The following FRMD7 variants were observed in gnomAD, a reference collection of about 807,000 sequenced individuals.
FRMD7 encodes FERM domain-containing protein 7.
In FRMD7, 14 loss-of-function variants were observed where a neutral mutation model predicts 44.1. The ratio of observed to expected loss-of-function variants is 0.32; its 90% CI spans 0.21 to 0.50. The LOEUF (loss-of-function observed/expected upper bound fraction) is 0.50, where lower values mean the gene tolerates loss of function less well. FRMD7 is among the 20% of genes least tolerant of loss of function. The probability of loss-of-function intolerance (pLI) is 0.99; values close to 1 mark genes in which losing one functional copy is unlikely to be tolerated. For synonymous variants in FRMD7, 212 were observed against 187.4 expected (o/e 1.13, Z -1.07); for missense variants, 501 against 522.3 (o/e 0.96, Z 0.40).
Position 132,078,372 on chromosome X carries a change from C to T in FRMD7, c.1645G>A (p.Val549Ile). ...RMKSFQQDLQ[V>I]LQEAIARTSG... ...GTCCTGGCTATAGCTTCTTGGAGTA[C>T]TTGCAGGTCTTGCTGAAAGCTCTTC... The change falls in exon 12 of 12, where the codon GTA becomes ATA. Residue 549 changes from valine to isoleucine, a missense_variant. This residue lies in a region of FRMD7 where 453 missense variants were observed against 452.7 expected (regional missense o/e 1.00). Coordinates refer to ENST00000298542, the MANE Select transcript of FRMD7 (RefSeq NM_194277.3). 1 of 1,210,751 alleles carries T rather than the reference C, an allele frequency of 8.3e-7. No homozygotes were observed. The highest frequency in any genetic ancestry group is 1.1e-6 in the Non-Finnish European group (1 of 894,661).
intron 5 of FRMD7, among the ~76,000 whole-genome samples, chrX:132,088,557 C>CAA (rs150701717): frequency 1.4e-5 from 1 of 70,412 alleles, no homozygotes; most frequent in Non-Finnish European, 2.8e-5. Flanking sequence ...GGCCCTGTCT[C>CAA]AAAAAAAAAA....
Position 132,085,655 on chromosome X carries a change from G to A in FRMD7, c.571C>T (p.Pro191Ser), listed in dbSNP as rs149727630. 3.0e-5 allele frequency: 36 copies of A among 1,207,123 alleles called. 1 individual carries two copies. The African/African-American group carries it at 6.1e-4, about 21-fold the overall frequency. Residue 191 changes from proline (P) to serine (S), a missense_variant, in exon 7 of 12, where the codon CCT becomes TCT. By Grantham distance (74) the Pro-to-Ser change is moderately conservative (BLOSUM62 -1). This residue lies in a region of FRMD7 where 453 missense variants were observed against 452.7 expected (regional missense o/e 1.00). Coordinates refer to ENST00000298542, the MANE Select transcript of FRMD7 (RefSeq NM_194277.3). ...CCTTCACCATCACTGGCGGGGTGAG[G>A]CCTGATGCCATACATATCCAGCTTC... ...ARKLDMYGIR[P>S]HPASDGEGMQ...
chrX:132,098,965 G>A (rs1014422451), intron 3 of FRMD7, among the ~76,000 whole-genome samples: 3 of 111,905 alleles, frequency 2.7e-5, no homozygotes, highest in African/African-American at 9.8e-5. Context: ...CCCAGGAATC[G>A]GCATTTAACA....
At chrX:132,116,915 G>A (rs1042496793) in intron 1 of FRMD7, among the ~76,000 whole-genome samples, 4 of 112,492 alleles carry the variant, frequency 3.6e-5, no homozygotes, top group African/African-American at 1.3e-4. Context: ...GCTTCAAAGA[G>A]TGGATGGAGT....
intron 1 of FRMD7, among the ~76,000 whole-genome samples, chrX:132,110,901 T>G (rs1459380146): frequency 8.9e-6 from 1 of 112,729 alleles, no homozygotes; most frequent in Non-Finnish European, 1.9e-5. Context: ...GTCACCCACC[T>G]GGGCCACGCA....
intron 1 of FRMD7, among the ~76,000 whole-genome samples, chrX:132,107,874 C>T (rs1165030030): frequency 9.0e-6 from 1 of 111,715 alleles, no homozygotes; most frequent in Non-Finnish European, 1.9e-5. Context: ...TTCCCAAACA[C>T]TAAATTCCCT....
At chrX:132,111,513 C>T (rs1015984550) in intron 1 of FRMD7, among the ~76,000 whole-genome samples, 1 of 112,021 alleles carries the variant, frequency 8.9e-6, no homozygotes, top group Non-Finnish European at 1.9e-5. Flanking sequence ...TTGTAACTTA[C>T]CCCAATCACC....
intron 1 of FRMD7, among the ~76,000 whole-genome samples, chrX:132,120,502 G>A (rs944945962): frequency 3.5e-5 from 4 of 112,822 alleles, no homozygotes; most frequent in African/African-American, 9.6e-5. Context: ...ACAGCCAAAC[G>A]CCACCCACCT....
Position 132,085,900 on chromosome X carries a change from T to C in FRMD7, c.497+20A>G, listed in dbSNP as rs1266251439. The stretch of plus-strand genomic sequence containing the variant: ...AGTGTTCTCTACTGGGGGAAGCAGG[T>C]GCCAGCTGAAAGTACTTACATGTGC... On this transcript the variant is annotated intron_variant, in intron 6 of 11. Coordinates refer to ENST00000298542, the MANE Select transcript of FRMD7 (RefSeq NM_194277.3). 9.2e-7 allele frequency: 1 copy of C among 1,089,982 alleles called. No individual in the cohort carries two copies. The highest frequency in any genetic ancestry group is 2.2e-5 in the Admixed American group (1 of 45,860). 89.8% of individuals were successfully genotyped at this position (1,089,982 alleles called of 1,213,427 possible). A position where few individuals can be genotyped will look rare whatever the true frequency, so the allele number is the denominator to read the frequency against.
intron 4 of FRMD7, among the ~76,000 whole-genome samples, chrX:132,095,098 A>G (rs974350164): frequency 9.6e-6 from 1 of 104,164 alleles, no homozygotes; most frequent in African/African-American, 3.5e-5. Context: ...TTATTTATTT[A>G]TTTATTTATT....
intron 9 of FRMD7, among the ~76,000 whole-genome samples, chrX:132,082,141 C>A (rs374813737): frequency 8.9e-6 from 1 of 112,165 alleles, no homozygotes; most frequent in African/African-American, 3.2e-5. Flanking sequence ...CTTGCTGAGA[C>A]TCTGATCCTA....
At position 132,113,000 on chromosome X, in the gene FRMD7, C is replaced by T. The variant is rs763031594; in HGVS notation, c.58-12284G>A. Among the ~76,000 whole-genome samples, 15 of 110,944 alleles carry T rather than the reference C, an allele frequency of 1.4e-4. No individual in the cohort carries two copies. The South Asian group carries it at 5.8e-3, about 43-fold the overall frequency. On this transcript the variant is annotated intron_variant, in intron 1 of 11. Coordinates refer to ENST00000298542, the MANE Select transcript of FRMD7 (RefSeq NM_194277.3). ...GCGTTAACCTTCACACTAAGGGGGG[C>T]AGGGGTGAAGAAAAAGATTACCAGT...
chrX:132,101,702 A>G (rs1266363293), intron 1 of FRMD7, among the ~76,000 whole-genome samples: 2 of 112,331 alleles, frequency 1.8e-5, no homozygotes, highest in Non-Finnish European at 3.8e-5. Flanking sequence ...TGCATACAGC[A>G]TACTCTGTTC....
intron 3 of FRMD7, among the ~76,000 whole-genome samples, chrX:132,098,269 T>C (rs1232794341): frequency 8.9e-6 from 1 of 112,533 alleles, no homozygotes; most frequent in African/African-American, 3.2e-5. Context: ...CTGTATTTTA[T>C]CTGCTAAGCC....
chrX:132,097,587 T>G (rs562541178), intron 3 of FRMD7, among the ~76,000 whole-genome samples: 1 of 111,077 alleles, frequency 9.0e-6, no homozygotes, highest in South Asian at 3.8e-4. Flanking sequence ...CTTTCTACCC[T>G]CTCTGCCTTC....
At chrX:132,081,643 G>A (rs1208419262) in intron 9 of FRMD7, among the ~76,000 whole-genome samples, 1 of 112,677 alleles carries the variant, frequency 8.9e-6, no homozygotes, top group Non-Finnish European at 1.9e-5. Context: ...ACTGGGGTAG[G>A]ATATCACTCT....
At chrX:132,126,461 G>A (rs998618707) in intron 1 of FRMD7, among the ~76,000 whole-genome samples, 8 of 111,628 alleles carry the variant, frequency 7.2e-5, no homozygotes, top group African/African-American at 2.6e-4. Context: ...ATGGTACTGT[G>A]TTCCTTACCC....
At chrX:132,109,857 A>G (rs772541080) in intron 1 of FRMD7, among the ~76,000 whole-genome samples, 198 of 111,324 alleles carry the variant, frequency 1.8e-3, no homozygotes, top group African/African-American at 6.2e-3. Context: ...TGAACAATGA[A>G]ACTGCAAGCA....
At position 132,078,440 on chromosome X, in the gene FRMD7, G is replaced by A. The variant is rs1238084485; in HGVS notation, c.1577C>T (p.Thr526Ile). 2 of 1,209,508 alleles carry A rather than the reference G, an allele frequency of 1.7e-6. No homozygotes were observed. The highest frequency in any genetic ancestry group is 1.8e-5 in the African/African-American group (1 of 57,037). ...GCTTCTTTCAGCTGGCTTCATTGCA[G>A]TGGGCTCTACATAGCTATGTGGACT... ...RTSPHSYVEP[T>I]AMKPAERSPR... The change falls in exon 12 of 12, where the codon ACT becomes ATT. Residue 526 changes from threonine (T) to isoleucine (I), a missense_variant. This residue lies in a region of FRMD7 where 453 missense variants were observed against 452.7 expected (regional missense o/e 1.00). Transcript: ENST00000298542.
Sources: gnomAD v4.1 joint callset for allele counts (sites outside exome capture counted in the v4.1 genomes callset) on GRCh38, gnomAD v4.1.1 for gene constraint, gnomAD v4.1.1 regional missense constraint, MANE v1.5 for transcripts, NCBI Gene and HGNC (gene_info 2026-07-23, HGNC 2026-07-21) for gene names.